The following BBS4 variants were observed in gnomAD, a reference collection of about 807,000 sequenced individuals.
The protein encoded by BBS4 is BBSome complex member BBS4.
BBS4 carries 58 observed loss-of-function variants against 71.4 expected under a neutral mutation model. The ratio of observed to expected loss-of-function variants is 0.81; its 90% CI spans 0.66 to 1.01. BBS4 has a LOEUF of 1.01. Ranked by LOEUF, BBS4 falls within the 50% of genes least tolerant of loss-of-function variation. The pLI is 0.00. For missense variants in BBS4, 660 were observed against 607.9 expected, an observed-to-expected ratio of 1.09 and a Z score of -0.90; for synonymous variants, 228 against 216.8, an observed-to-expected ratio of 1.05 and a Z score of -0.46.
Position 72,731,416 on chromosome 15 carries a change from A to T in BBS4, c.823A>T (p.Asn275Tyr), listed in dbSNP as rs745341614. The T allele has an allele frequency of 6.2e-7, 1 of 1,614,196 alleles. No individual in the cohort carries two copies. Among genetic ancestry groups the T allele is most frequent in the East Asian group, 2.2e-5 (1 of 44,880 alleles). The change falls in exon 11 of 16, where the codon AAC becomes TAC. Residue 275 changes from asparagine to tyrosine, a missense_variant. Coordinates refer to ENST00000268057, the MANE Select transcript of BBS4 (RefSeq NM_033028.5). ...TCCAGAAAGTCCTCCACTCTGGAAT[A>T]ACATTGGAATGTGTTTCTTTGGCAA... ...AVPESPPLWN[N>Y]IGMCFFGKKK... is the part of the protein sequence containing the mutation.
chr15:72,686,803 T>A (rs2064853596), intron 1 of BBS4: 1 of 352,866 alleles, frequency 2.8e-6, no homozygotes, highest in Admixed American at 3.8e-5. Context: ...CTAGTCGCTA[T>A]TTTTTGAGGC....
In BBS4 at chr15:72,737,711, A is replaced by C. The variant is rs770486769; in HGVS notation, c.*124A>C. 1.4e-4 allele frequency: 118 copies of C among 818,874 alleles called. No homozygotes were observed. The highest frequency in any genetic ancestry group is 2.3e-4 in the Non-Finnish European group (113 of 499,262). 50.7% of individuals were successfully genotyped at this position (818,874 alleles called of 1,614,324 possible). A position where few individuals can be genotyped will look rare whatever the true frequency, so the allele number is the denominator to read the frequency against. On this transcript the variant is annotated 3_prime_UTR_variant, in exon 16 of 16. Transcript: ENST00000268057. ...ACAGAATACAGTGTGTGTTATTACG[A>C]GGAGCCAGCAGTTGAGCCTAAGGTC...
intron 1 of BBS4, among the ~76,000 whole-genome samples, chr15:72,690,772 A>AG (rs2064969816): frequency 6.6e-6 from 1 of 152,220 alleles, no homozygotes; most frequent in African/African-American, 2.4e-5. Context: ...GTTTAAAAAA[A>AG]CAGAAACAAA....
chr15:72,737,034 G>A, intron 15 of BBS4, 71 bp downstream of exon 15: 2 of 1,537,360 alleles, frequency 1.3e-6, no homozygotes, highest in Non-Finnish European at 1.8e-6. Flanking sequence ...AGAGATTATA[G>A]CTTTCAGTGA....
rs886042845 is a variant in BBS4, at chr15:72,736,973, T to C, written c.1450+10T>C. On this transcript the variant is annotated intron_variant, in intron 15 of 15. Transcript: ENST00000268057. ...AGGACGCTCCCCTCAGGTAGGACCA[T>C]ACAGAGCTCCATGAAGACCTGGCAG... 6.2e-7 allele frequency: 1 copy of C among 1,613,676 alleles called. No homozygotes were observed. The highest frequency in any genetic ancestry group is 1.3e-5 in the African/African-American group (1 of 74,912).
At chr15:72,711,584 T>C (rs1460236850) in intron 3 of BBS4, among the ~76,000 whole-genome samples, 1 of 152,218 alleles carries the variant, frequency 6.6e-6, no homozygotes, top group Non-Finnish European at 1.5e-5. Flanking sequence ...GGGCCAACAA[T>C]ATTTTAGGGT....
At chr15:72,722,251 A>G (rs938599219) in intron 6 of BBS4, among the ~76,000 whole-genome samples, 2 of 152,228 alleles carry the variant, frequency 1.3e-5, no homozygotes, top group South Asian at 2.1e-4. Flanking sequence ...CATGTATTCC[A>G]TCACAGCAGA....
chr15:72,688,381 T>A (rs925337610), intron 1 of BBS4, among the ~76,000 whole-genome samples: 1 of 150,564 alleles, frequency 6.6e-6, no homozygotes, highest in African/African-American at 2.4e-5. Flanking sequence ...GAAATGTGAA[T>A]TTCTGTCCTT....
In BBS4 at chr15:72,695,279, T is replaced by TTTTA. The variant is rs771109877; in HGVS notation, c.76+67_76+70dup. On this transcript the variant is annotated intron_variant, in intron 2 of 15. Coordinates refer to ENST00000268057, the MANE Select transcript of BBS4 (RefSeq NM_033028.5). ...GTATGTTTGCACAGACAGATTTCTCTTTTATTTATTTATTTATTTTTTTTT... is the reference window on the plus strand; with the variant it reads ...GTATGTTTGCACAGACAGATTTCTCTTTTATTTATTTATTTATTTATTTTTTTTT... The TTTTA allele has an allele frequency of 6.2e-5, 78 of 1,263,494 alleles. No homozygotes were observed. In the African/African-American group the frequency reaches 7.8e-4, roughly 13 times the overall value. The allele number at this position is 1,263,494 out of a possible 1,614,324, so 78.3% of individuals were successfully genotyped here.
At chr15:72,702,168 G>A (rs889767808) in intron 2 of BBS4, among the ~76,000 whole-genome samples, 2 of 152,084 alleles carry the variant, frequency 1.3e-5, no homozygotes, top group Admixed American at 6.6e-5. Context: ...TTAATGTTGC[G>A]TTGCTCAGTT....
intron 2 of BBS4, among the ~76,000 whole-genome samples, chr15:72,704,173 G>C (rs1261338468): frequency 6.6e-6 from 1 of 152,130 alleles, no homozygotes; most frequent in African/African-American, 2.4e-5. Flanking sequence ...TGGCAGCTGG[G>C]ATATGAATGA....
At position 72,688,430 on chromosome 15, in the gene BBS4, T is replaced by TTTTTTTTTC. The variant is rs1285460524; in HGVS notation, c.24+2180_24+2181insTTTTTTTCT. ...TTTTATCTTTTTTTTTTTTTTTTTT[T>TTTTTTTTTC]TGAGACGGAGTCTCACTTTGTCGCC... On this transcript the variant is annotated intron_variant, in intron 1 of 15. Transcript: ENST00000268057. Among the ~76,000 whole-genome samples, 1,095 of 144,510 alleles carry TTTTTTTTTC rather than the reference T, an allele frequency of 7.6e-3. 52 individuals are homozygous for TTTTTTTTTC. Among genetic ancestry groups the TTTTTTTTTC allele is most frequent in the African/African-American group, 0.027 (1,040 of 37,948 alleles). The allele number at this position is 144,510 out of a possible 152,430, so 94.8% of individuals were successfully genotyped here.
At chr15:72,720,034 C>T (rs893796361) in intron 6 of BBS4, among the ~76,000 whole-genome samples, 2 of 151,760 alleles carry the variant, frequency 1.3e-5, no homozygotes, top group Non-Finnish European at 2.9e-5. Flanking sequence ...CAGGTGTGAG[C>T]CACCACCTTT....
intron 6 of BBS4, chr15:72,717,367 TTTTTTTTTTAATTC>T (rs2065485902): frequency 6.6e-6 from 1 of 152,480 alleles, no homozygotes; most frequent in Admixed American, 6.5e-5. Context: ...TCGTTTTTGT[TTTTTTTTTTAATTC>T]TCATGAAACA....
chr15:72,690,978 TTA>T (rs1419226569), intron 1 of BBS4, among the ~76,000 whole-genome samples: 4 of 152,288 alleles, frequency 2.6e-5, no homozygotes, highest in South Asian at 2.1e-4. Context: ...TGAAGATTTT[TTA>T]TATGTTTATT....
chr15:72,738,035 G>C lies in BBS4; in HGVS notation c.*448G>C. On this transcript the variant is annotated 3_prime_UTR_variant, in exon 16 of 16. Coordinates refer to ENST00000268057, the MANE Select transcript of BBS4 (RefSeq NM_033028.5). ...GATCCTCAGGTTGTGAGGTTTATTAGTCCCCAAGGCAAACACAAATATTAG... is the reference window on the plus strand; with the variant it reads ...GATCCTCAGGTTGTGAGGTTTATTACTCCCCAAGGCAAACACAAATATTAG... 1 of 454,070 alleles carries C rather than the reference G, an allele frequency of 2.2e-6. No homozygotes were observed. Among genetic ancestry groups the C allele is most frequent in the South Asian group, 1.6e-5 (1 of 64,472 alleles). The allele number at this position is 454,070 out of a possible 1,614,324, so 28.1% of individuals were successfully genotyped here.
chr15:72,689,554 G>A (rs577081151), intron 1 of BBS4, among the ~76,000 whole-genome samples: 1 of 152,064 alleles, frequency 6.6e-6, no homozygotes, highest in Non-Finnish European at 1.5e-5. Flanking sequence ...GCAACATGTT[G>A]GAGCCCCATT....
Position 72,716,671 on chromosome 15 carries a change from G to A in BBS4, c.333-107G>A, listed in dbSNP as rs1018674166. On this transcript the variant is annotated intron_variant, in intron 5 of 15. Transcript: ENST00000268057. ...AGCACAACCACCTCATAGAGAAAAG[G>A]CTTCTAGAATTCTCTGCTGGATGAA... 14 of 863,704 alleles carry A rather than the reference G, an allele frequency of 1.6e-5. No homozygotes were observed. The East Asian group carries it at 3.7e-4, about 23-fold the overall frequency. 53.5% of individuals were successfully genotyped at this position (863,704 alleles called of 1,614,324 possible).
intron 6 of BBS4, among the ~76,000 whole-genome samples, chr15:72,717,941 C>G (rs998531774): frequency 6.6e-6 from 1 of 152,088 alleles, no homozygotes; most frequent in Non-Finnish European, 1.5e-5. Flanking sequence ...CTCTTTCTTC[C>G]AGGTTCAAGT....
Sources: gnomAD v4.1 joint callset for allele counts (sites outside exome capture counted in the v4.1 genomes callset) on GRCh38, gnomAD v4.1.1 for gene constraint, MANE v1.5 for transcripts, NCBI Gene and HGNC (gene_info 2026-07-23, HGNC 2026-07-21) for gene names.